ADAM18: variants seen among roughly 807,000 people sequenced by gnomAD.
ADAM18 encodes the protein ADAM metallopeptidase domain 18, also known as disintegrin and metalloproteinase domain-containing protein 18.
Under a neutral mutation model 94.4 loss-of-function variants are expected in ADAM18, and 117 were observed. That is an observed-to-expected ratio of 1.24 (90% CI 1.07 to 1.45). The LOEUF (loss-of-function observed/expected upper bound fraction) is 1.45, where lower values mean the gene tolerates loss of function less well. Ranked by LOEUF, ADAM18 falls within the 40% of genes most tolerant of loss-of-function variation. The pLI is 0.00. For missense variants in ADAM18, 936 were observed against 880.0 expected, an observed-to-expected ratio of 1.06 and a Z score of -0.81; for synonymous variants, 327 against 291.6, an observed-to-expected ratio of 1.12 and a Z score of -1.24.
intron 2 of ADAM18, among the ~76,000 whole-genome samples, chr8:39,592,571 T>C (rs1818602351): frequency 4.6e-5 from 7 of 152,162 alleles, no homozygotes; most frequent in Admixed American, 3.9e-4. Flanking sequence ...CATTATCCTA[T>C]GTGGAATAAC....
Position 39,637,568 on chromosome 8 carries a change from T to A in ADAM18, c.692T>A (p.Leu231Gln). 1 of 1,612,602 alleles carries A rather than the reference T, an allele frequency of 6.2e-7. No individual in the cohort carries two copies. Among genetic ancestry groups the A allele is most frequent in the Non-Finnish European group, 8.5e-7 (1 of 1,179,126 alleles). ...ACCCAGTTCAAATTGACTGTTATAC[T>A]GTCTTCCTTGGAATTGTGGTCAAAT... is the stretch of plus-strand genomic sequence containing the variant. Reference protein sequence around the residue: ...MFTQFKLTVILSSLELWSNEN... With the variant: ...MFTQFKLTVIQSSLELWSNEN... Residue 231 changes from leucine to glutamine, a missense_variant, in exon 9 of 20, where the codon CTG becomes CAG. Physicochemically the swap from Leu to Gln is moderately radical, Grantham distance 113. Transcript: ENST00000265707.
Position 39,668,166 on chromosome 8 carries a change from G to A in ADAM18, c.1495G>A (p.Asp499Asn). Residue 499 changes from aspartate to asparagine, a missense_variant, in exon 14 of 20, where the codon GAT (aspartate) becomes AAT (asparagine). By Grantham distance (23) the Asp-to-Asn change is conservative (BLOSUM62 1). Coordinates refer to ENST00000265707, the MANE Select transcript of ADAM18 (RefSeq NM_014237.3). ...CTATAACGGACAATGTCAAACTACT[G>A]ATAACCAGTGTGCCAAGATATTTGG... ...YCYNGQCQTTDNQCAKIFGKG... is the reference protein window; with the variant it reads ...YCYNGQCQTTNNQCAKIFGKG... 6.2e-7 allele frequency: 1 copy of A among 1,614,004 alleles called. No individual in the cohort carries two copies. The highest frequency in any genetic ancestry group is 2.2e-5 in the East Asian group (1 of 44,868).
Position 39,723,768 on chromosome 8 carries a change from G to A in ADAM18, c.2038G>A (p.Gly680Ser). 2.0e-6 allele frequency: 3 copies of A among 1,530,436 alleles called. No homozygotes were observed. Among genetic ancestry groups the A allele is most frequent in the Non-Finnish European group, 2.6e-6 (3 of 1,142,660 alleles). 94.8% of individuals were successfully genotyped at this position (1,530,436 alleles called of 1,614,324 possible). Residue 680 changes from glycine (G) to serine (S), a missense_variant, in exon 19 of 20, where the codon GGC (glycine) becomes AGC (serine). Gly to Ser is a moderately conservative substitution (Grantham distance 56, BLOSUM62 0). Transcript: ENST00000265707. ...TCTAGGTGACTTTTATACTGAAAAAGGCTACAATACACACTGGAACAACTG... is the reference window on the plus strand; with the variant it reads ...TCTAGGTGACTTTTATACTGAAAAAAGCTACAATACACACTGGAACAACTG... ...QKSGDFYTEK[G>S]YNTHWNNWFI...
intron 18 of ADAM18, among the ~76,000 whole-genome samples, chr8:39,714,930 G>A (rs11777357): frequency 0.28 from 42,182 of 151,956 alleles, 6,664 homozygotes; most frequent in East Asian, 0.75. Context: ...AATGTTAAGT[G>A]AGAATTTACT....
rs770816777 is a variant in ADAM18, at chr8:39,706,868, G to A, written c.1981G>A (p.Gly661Arg). ...PDCKFQFGSP[G>R]GSIDDGNFQK... ...TTGTAAATTCCAGTTTGGTTCCCCA[G>A]GGGGTAGTATTGATGATGGAAATTT... Residue 661 changes from glycine to arginine, a missense_variant, in exon 18 of 20, where the codon GGG (glycine) becomes AGG (arginine). Coordinates refer to ENST00000265707, the MANE Select transcript of ADAM18 (RefSeq NM_014237.3). The A allele has an allele frequency of 5.6e-6, 9 of 1,609,572 alleles. No individual in the cohort carries two copies. Among genetic ancestry groups the A allele is most frequent in the Admixed American group, 1.7e-5 (1 of 59,870 alleles).
chr8:39,678,336 G>A (rs1821351758), intron 15 of ADAM18, among the ~76,000 whole-genome samples: 1 of 152,156 alleles, frequency 6.6e-6, no homozygotes. Context: ...GGATGAAGAA[G>A]GTATCCAGTT....
intron 14 of ADAM18, among the ~76,000 whole-genome samples, chr8:39,676,407 T>C (rs887628773): frequency 5.9e-5 from 9 of 152,190 alleles, no homozygotes; most frequent in Admixed American, 2.6e-4. Context: ...CTCAGACTGC[T>C]GCGCTAGCAG....
intron 12 of ADAM18, among the ~76,000 whole-genome samples, chr8:39,656,672 A>G (rs1228695626): frequency 6.6e-6 from 1 of 152,220 alleles, no homozygotes; most frequent in Non-Finnish European, 1.5e-5. Context: ...TTTTCTCCAC[A>G]TAAATGTGAC....
At chr8:39,694,397 TAGTA>T (rs1821866250) in intron 17 of ADAM18, among the ~76,000 whole-genome samples, 1 of 151,500 alleles carries the variant, frequency 6.6e-6, no homozygotes, top group Non-Finnish European at 1.5e-5. Context: ...ATTTTTAAAA[TAGTA>T]AGCCAACTTT....
At chr8:39,652,044 C>T (rs1044467859) in intron 12 of ADAM18, among the ~76,000 whole-genome samples, 1 of 151,932 alleles carries the variant, frequency 6.6e-6, no homozygotes, top group African/African-American at 2.4e-5. Context: ...ATATAAAAAA[C>T]CAATGCAAAA....
chr8:39,644,684 T>G (rs1408071450), intron 10 of ADAM18, among the ~76,000 whole-genome samples: 2 of 152,122 alleles, frequency 1.3e-5, no homozygotes, highest in African/African-American at 4.8e-5. Flanking sequence ...AGGTCCACAT[T>G]CCAGCCCCCT....
intron 18 of ADAM18, among the ~76,000 whole-genome samples, chr8:39,717,877 C>T (rs1041601431): frequency 6.6e-6 from 1 of 150,392 alleles, no homozygotes; most frequent in African/African-American, 2.4e-5. Context: ...ATAGTGAAAA[C>T]AAACAAAGAA....
chr8:39,625,641 T>C, intron 6 of ADAM18, among the ~76,000 whole-genome samples: 1 of 152,210 alleles, frequency 6.6e-6, no homozygotes, highest in East Asian at 1.9e-4. Context: ...TTTCAGCTTT[T>C]TACCCATTCA....
chr8:39,688,665 G>T (rs1443471116), intron 16 of ADAM18, among the ~76,000 whole-genome samples: 1 of 152,086 alleles, frequency 6.6e-6, no homozygotes, highest in Non-Finnish European at 1.5e-5. Flanking sequence ...CCATGTCTTT[G>T]TTATTGTGAA....
At chr8:39,682,094 C>A (rs774939101) in intron 16 of ADAM18, among the ~76,000 whole-genome samples, 2 of 152,016 alleles carry the variant, frequency 1.3e-5, no homozygotes, top group East Asian at 1.9e-4. Flanking sequence ...TAGTCAAGAT[C>A]AACTCTTAAC....
chr8:39,585,353 G>GTAAA lies in ADAM18; in HGVS notation c.132+3_132+6dup, dbSNP rs769835035. 6.2e-7 allele frequency: 1 copy of GTAAA among 1,606,730 alleles called. No homozygotes were observed. Among genetic ancestry groups the GTAAA allele is most frequent in the Non-Finnish European group, 8.5e-7 (1 of 1,173,896 alleles). ...TGACAGTGAAGTTTCAGAGAGGAAG[G>GTAAA]TAAATGATGAGGAATATTTATTCTA... On this transcript the variant is annotated splice_donor_variant, in intron 2 of 19. Coordinates refer to ENST00000265707, the MANE Select transcript of ADAM18 (RefSeq NM_014237.3). LOFTEE classifies it high-confidence loss of function.
intron 15 of ADAM18, among the ~76,000 whole-genome samples, chr8:39,678,599 A>G (rs1563303341): frequency 6.6e-6 from 1 of 152,186 alleles, no homozygotes; most frequent in Non-Finnish European, 1.5e-5. Context: ...GAGTTACACC[A>G]CAGTGGATCC....
chr8:39,677,439 G>A lies in ADAM18; in HGVS notation c.1534G>A (p.Gly512Ser), dbSNP rs754031904. 1.2e-6 allele frequency: 2 copies of A among 1,604,836 alleles called. No homozygotes were observed. The highest frequency in any genetic ancestry group is 1.7e-6 in the Non-Finnish European group (2 of 1,177,978). ...CAKIFGKGAQ[G>S]APFACFKEVN... ...CATGTTTGCATTTTAAGGTGCTCAA[G>A]GTGCTCCATTTGCCTGTTTTAAAGA... The change falls in exon 15 of 20, where the codon GGT becomes AGT. Residue 512 changes from glycine (G) to serine (S), a missense_variant. Coordinates refer to ENST00000265707, the MANE Select transcript of ADAM18 (RefSeq NM_014237.3).
At chr8:39,605,740 C>A in intron 2 of ADAM18, 1 of 220,586 alleles carries the variant, frequency 4.5e-6, no homozygotes, top group Non-Finnish European at 9.0e-6. Context: ...TTTTGGGGAG[C>A]AGGTGGTATT....
Sources: allele counts gnomAD v4.1 joint callset (sites outside exome capture counted in the v4.1 genomes callset), GRCh38; gene constraint gnomAD v4.1.1; transcripts MANE v1.5; gene names NCBI Gene and HGNC (gene_info 2026-07-23, HGNC 2026-07-21).